GABRG3: variants seen among roughly 807,000 people sequenced by gnomAD.
GABRG3 encodes gamma-aminobutyric acid receptor subunit gamma-3.
Under a neutral mutation model 48.8 loss-of-function variants are expected in GABRG3, and 25 were observed. The ratio of observed to expected loss-of-function variants is 0.51; its 90% confidence interval spans 0.37 to 0.72. The LOEUF (loss-of-function observed/expected upper bound fraction) is 0.72, where lower values mean the gene tolerates loss of function less well. Ranked by LOEUF, GABRG3 falls within the 30% of genes least tolerant of loss-of-function variation. The pLI is 0.00. For missense variants in GABRG3, 394 were observed against 577.9 expected (o/e 0.68, Z 3.26); for synonymous variants, 227 against 217.6 (o/e 1.04, Z -0.38).
chr15:27,271,597 CA>C (rs1477412366), intron 3 of GABRG3: 5 of 77,678 alleles, frequency 6.4e-5, no homozygotes, highest in African/African-American at 3.7e-4. Context: ...AACCTAGAGT[CA>C]GTCAGTCAGT....
At chr15:27,192,196 G>A (rs868409830) in intron 3 of GABRG3, among the ~76,000 whole-genome samples, 2 of 151,956 alleles carry the variant, frequency 1.3e-5, no homozygotes, top group South Asian at 2.1e-4. Flanking sequence ...TCTGACAATT[G>A]TGTGTCTTGG....
intron 3 of GABRG3, among the ~76,000 whole-genome samples, chr15:27,251,928 C>T (rs2140460410): frequency 6.6e-6 from 1 of 152,330 alleles, no homozygotes; most frequent in African/African-American, 2.4e-5. Context: ...GGCTCCTCAG[C>T]ATAGCTGTGC....
chr15:27,118,047 C>T (rs1483443464), intron 3 of GABRG3, among the ~76,000 whole-genome samples: 1 of 152,238 alleles, frequency 6.6e-6, no homozygotes, highest in Admixed American at 6.5e-5. Context: ...CTCACGACCT[C>T]TTCTCTTAAC....
At chr15:27,515,801 G>T (rs575174236) in intron 6 of GABRG3, among the ~76,000 whole-genome samples, 13 of 152,282 alleles carry the variant, frequency 8.5e-5, no homozygotes, top group Non-Finnish European at 1.9e-4. Flanking sequence ...GTCCGTAGAG[G>T]AGTTGGAGTA....
intron 6 of GABRG3, among the ~76,000 whole-genome samples, chr15:27,514,673 C>T (rs139436052): frequency 4.6e-5 from 7 of 152,286 alleles, no homozygotes; most frequent in African/African-American, 1.4e-4. Flanking sequence ...CCCACACTCA[C>T]GAGGAAGGAA....
chr15:27,475,900 G>T (rs918109006), intron 5 of GABRG3, among the ~76,000 whole-genome samples: 4 of 152,074 alleles, frequency 2.6e-5, no homozygotes, highest in Non-Finnish European at 5.9e-5. Context: ...ATGTGGTGGT[G>T]GTGACTGTAG....
intron 3 of GABRG3, among the ~76,000 whole-genome samples, chr15:27,282,486 TCTTC>T (rs1891467767): frequency 6.6e-6 from 1 of 152,230 alleles, no homozygotes; most frequent in Non-Finnish European, 1.5e-5. Flanking sequence ...TCGCATCCAT[TCTTC>T]TATTAAGCCC....
chr15:27,523,381 T>C (rs1431346042), intron 7 of GABRG3, among the ~76,000 whole-genome samples: 1 of 151,700 alleles, frequency 6.6e-6, no homozygotes, highest in Non-Finnish European at 1.5e-5. Context: ...ATTTAATTTA[T>C]TAGTCTTTAT....
intron 3 of GABRG3, among the ~76,000 whole-genome samples, chr15:27,234,104 T>A (rs1889885087): frequency 6.6e-6 from 1 of 152,238 alleles, no homozygotes; most frequent in African/African-American, 2.4e-5. Flanking sequence ...AATAAAATTC[T>A]GTAATTATGT....
intron 3 of GABRG3, among the ~76,000 whole-genome samples, chr15:27,190,713 T>C (rs898372508): frequency 1.3e-5 from 2 of 152,156 alleles, no homozygotes; most frequent in African/African-American, 4.8e-5. Context: ...GGGTTTTTTG[T>C]GTCTCTATTT....
chr15:27,492,543 G>C (rs774158183), intron 6 of GABRG3, among the ~76,000 whole-genome samples: 3 of 152,198 alleles, frequency 2.0e-5, no homozygotes, highest in Non-Finnish European at 4.4e-5. Flanking sequence ...GGCTAGCACA[G>C]GGCTTCTTTT....
At chr15:27,053,566 A>G (rs1468229593) in intron 3 of GABRG3, among the ~76,000 whole-genome samples, 1 of 152,196 alleles carries the variant, frequency 6.6e-6, no homozygotes, top group African/African-American at 2.4e-5. Flanking sequence ...CATTGTGGAG[A>G]GCATTTTGGA....
At chr15:27,374,692 G>C (rs1895534184) in intron 5 of GABRG3, among the ~76,000 whole-genome samples, 1 of 152,290 alleles carries the variant, frequency 6.6e-6, no homozygotes, top group East Asian at 1.9e-4. Context: ...GCCACGCCAA[G>C]GTGTGTGTGG....
At position 27,098,327 on chromosome 15, in the gene GABRG3, G is replaced by T. The variant is rs192380363; in HGVS notation, c.270+71506G>T. Among the ~76,000 whole-genome samples, 3 of 152,156 alleles carry T rather than the reference G, an allele frequency of 2.0e-5. No homozygotes were observed. In the East Asian group the frequency reaches 5.8e-4, roughly 30 times the overall value. On this transcript the variant is annotated intron_variant, in intron 3 of 9. Transcript: ENST00000615808. ...CAGGCATCTATAGTTCCAGCTACTC[G>T]GGAGGCTGATACAGGAGAATTGCTT...
chr15:27,402,419 A>G (rs1433397238), intron 5 of GABRG3, among the ~76,000 whole-genome samples: 2 of 152,206 alleles, frequency 1.3e-5, no homozygotes, highest in African/African-American at 2.4e-5. Flanking sequence ...AGCATCTGAG[A>G]GGGTTGAGAG....
intron 6 of GABRG3, among the ~76,000 whole-genome samples, chr15:27,504,529 G>C (rs1381561563): frequency 2.0e-5 from 3 of 152,066 alleles, no homozygotes; most frequent in Non-Finnish European, 2.9e-5. Context: ...TTGTGCTATT[G>C]TGATTATACA....
At chr15:26,977,187 T>C (rs1228678540) in intron 2 of GABRG3, 37 bp downstream of exon 2, 10 of 1,590,120 alleles carry the variant, frequency 6.3e-6, no homozygotes, top group African/African-American at 1.4e-5. Context: ...TAGAAAAATA[T>C]GCTGTAGTGA....
chr15:27,009,028 G>GA (rs1895639012), intron 2 of GABRG3, among the ~76,000 whole-genome samples: 1 of 152,148 alleles, frequency 6.6e-6, no homozygotes, highest in South Asian at 2.1e-4. Context: ...AAAGTGCAGG[G>GA]GACAGGACGG....
chr15:26,990,397 C>T (rs1286046113), intron 2 of GABRG3, among the ~76,000 whole-genome samples: 1 of 152,098 alleles, frequency 6.6e-6, no homozygotes, highest in Non-Finnish European at 1.5e-5. Flanking sequence ...TTCTCATATG[C>T]CTGTTTGCCA....
Sources: gnomAD v4.1 joint callset for allele counts (sites outside exome capture counted in the v4.1 genomes callset) on GRCh38, gnomAD v4.1.1 for gene constraint, MANE v1.5 for transcripts, NCBI Gene and HGNC (gene_info 2026-07-23, HGNC 2026-07-21) for gene names.